The following IP6K2 variants were observed in gnomAD, a reference collection of about 807,000 sequenced individuals.
IP6K2 encodes the protein ATP:1D-myo-inositol-hexakisphosphate phosphotransferase.
IP6K2 carries 9 observed loss-of-function variants against 43.3 expected under a neutral mutation model. The observed-to-expected ratio is 0.21, with a 90% CI of 0.13 to 0.36. The LOEUF is 0.36. Ranked by LOEUF, IP6K2 falls within the 10% of genes least tolerant of loss-of-function variation. The probability of loss-of-function intolerance (pLI) is 1.00; values close to 1 mark genes in which losing one functional copy is unlikely to be tolerated. For missense variants in IP6K2, 332 were observed against 538.4 expected, an observed-to-expected ratio of 0.62 and a Z score of 3.79; for synonymous variants, 209 against 202.4, an observed-to-expected ratio of 1.03 and a Z score of -0.28.
intron 1 of IP6K2, among the ~76,000 whole-genome samples, chr3:48,697,008 A>G (rs1409043843): frequency 6.6e-6 from 1 of 151,176 alleles, no homozygotes; most frequent in Non-Finnish European, 1.5e-5. Flanking sequence ...GGCACTGCCC[A>G]GCTGAATTTT....
chr3:48,693,873 G>C (rs1011599020), intron 2 of IP6K2: 5 of 1,195,884 alleles, frequency 4.2e-6, no homozygotes, highest in Non-Finnish European at 5.2e-6. Flanking sequence ...ACATGTGGTG[G>C]CCTTGAAAGC....
intron 3 of IP6K2, 100 bp from the exon 4 acceptor site, chr3:48,691,582 G>A (rs915030890): frequency 3.8e-5 from 29 of 768,676 alleles, no homozygotes; most frequent in African/African-American, 3.0e-4. Context: ...TTGGGAGGCC[G>A]AGATGGGCAG....
intron 1 of IP6K2, among the ~76,000 whole-genome samples, chr3:48,706,397 C>T (rs947337270): frequency 6.6e-6 from 1 of 152,148 alleles, no homozygotes; most frequent in African/African-American, 2.4e-5. Flanking sequence ...CTGCAGTGAT[C>T]TCTAATCATA....
chr3:48,700,819 G>T (rs1319892707), intron 1 of IP6K2, among the ~76,000 whole-genome samples: 1 of 152,096 alleles, frequency 6.6e-6, no homozygotes, highest in Non-Finnish European at 1.5e-5. Flanking sequence ...CAGTCACAGA[G>T]GGGTGGCATA....
intron 2 of IP6K2, chr3:48,693,446 C>T: frequency 7.2e-6 from 10 of 1,387,850 alleles, no homozygotes; most frequent in Non-Finnish European, 7.6e-6. Flanking sequence ...TTACAAGACA[C>T]ATTTTTCCAT....
chr3:48,688,269 A>AAGCTCACT lies in IP6K2; in HGVS notation c.1277_*3dup. 1.9e-6 allele frequency: 3 copies of AAGCTCACT among 1,611,670 alleles called. No individual in the cohort carries two copies. The highest frequency in any genetic ancestry group is 2.5e-6 in the Non-Finnish European group (3 of 1,177,902). On this transcript the variant is annotated 3_prime_UTR_variant, in exon 6 of 6. Transcript: ENST00000328631. The surrounding 1 kb of genome is among the most constrained non-coding windows in gnomAD (Gnocchi z 5.1). ...GCTCTCAAGTACTGGAGCAGCTAGC[A>AAGCTCACT]AGCTCACTCCCCACTCTCCTCACTT... is the stretch of plus-strand genomic sequence containing the variant.
Position 48,689,622 on chromosome 3 carries a change from A to G in IP6K2, c.696T>C (p.Ala232=). The G allele has an allele frequency of 6.2e-7, 1 of 1,614,212 alleles. No individual in the cohort carries two copies. Among genetic ancestry groups the G allele is most frequent in the Non-Finnish European group, 8.5e-7 (1 of 1,180,030 alleles). ...TCTGGTTGGCTGCCTTCTCCTCTGA[A>G]GCATCATCACCATGTTGTCGTGTGC... The part of the protein sequence containing the change: ...KMGTRQHGDD[A]SEEKAANQIR... The change falls in exon 5 of 6, where the codon GCT becomes GCC. Residue 232 remains alanine (A), a synonymous_variant. Transcript: ENST00000328631.
intron 2 of IP6K2, chr3:48,693,384 A>G (rs1023747011): frequency 8.4e-7 from 1 of 1,183,860 alleles, no homozygotes; most frequent in Admixed American, 1.8e-5. Context: ...GGGAGCAAAC[A>G]TGGCTGAGAG....
chr3:48,694,040 A>G lies in IP6K2; in HGVS notation c.203-861T>C, dbSNP rs150408611. 6.5e-4 allele frequency: 932 copies of G among 1,429,274 alleles called. 5 individuals are homozygous for G. Among genetic ancestry groups the G allele is most frequent in the South Asian group, 4.8e-3 (314 of 65,016 alleles). The allele number at this position is 1,429,274 out of a possible 1,614,324, so 88.5% of individuals were successfully genotyped here. On this transcript the variant is annotated intron_variant, in intron 2 of 5. Coordinates refer to ENST00000328631, the MANE Select transcript of IP6K2 (RefSeq NM_016291.4). ...TCCCAGGCCTCTCTGCCCCAGCATC[A>G]CTCAATCTGCTCAGTCCTCGACTGC...
intron 1 of IP6K2, among the ~76,000 whole-genome samples, chr3:48,703,595 T>C (rs571062584): frequency 4.1e-4 from 61 of 149,504 alleles, no homozygotes; most frequent in African/African-American, 1.4e-3. Flanking sequence ...CAGGGGCCTA[T>C]AGTCCCAGCA....
intron 1 of IP6K2, among the ~76,000 whole-genome samples, chr3:48,710,768 C>A (rs2080403468): frequency 6.6e-6 from 1 of 152,244 alleles, no homozygotes; most frequent in South Asian, 2.1e-4. Flanking sequence ...CACCACCACG[C>A]CCGGCTAATT....
In IP6K2 at chr3:48,695,259, C is replaced by T; in HGVS notation, c.33G>A (p.Glu11=). 1.3e-6 allele frequency: 2 copies of T among 1,588,796 alleles called. No individual in the cohort carries two copies. The highest frequency in any genetic ancestry group is 1.7e-5 in the Admixed American group (1 of 57,690). MSPAFRAMDV[E]PRAKGVLLEP... ...CCAGAAGGACGCCTTTGGCGCGGGG[C>T]TCCACATCCATGGCCCTGAAGGCTG... Residue 11 remains glutamate (E), a synonymous_variant, in exon 2 of 6, where the codon GAG becomes GAA. Transcript: ENST00000328631. The surrounding 1 kb of genome is among the most constrained non-coding windows in gnomAD (Gnocchi z 4.6).
chr3:48,695,326 C>A lies in IP6K2; in HGVS notation c.-35G>T. ...GCAGATGGCGGGGAGATGGGGGAGG[C>A]AGCGGAGTCCAGCGGCCAGTACGTC... On this transcript the variant is annotated 5_prime_UTR_variant, in exon 2 of 6. Transcript: ENST00000328631. The surrounding 1 kb of genome is among the most constrained non-coding windows in gnomAD (Gnocchi z 4.6). 1.9e-6 allele frequency: 3 copies of A among 1,584,746 alleles called. No individual in the cohort carries two copies. The highest frequency in any genetic ancestry group is 1.7e-4 in the Middle Eastern group (1 of 5,956).
Position 48,695,029 on chromosome 3 carries a change from T to G in IP6K2, c.202+61A>C. 6.2e-7 allele frequency: 1 copy of G among 1,614,028 alleles called. No individual in the cohort carries two copies. The highest frequency in any genetic ancestry group is 1.1e-5 in the South Asian group (1 of 91,078). ...CAGGGATGGCTGCCAGGGCCTTCCA[T>G]GGCCACGATCTCTCACATCTCCTCG... is the stretch of plus-strand genomic sequence containing the variant. On this transcript the variant is annotated intron_variant, in intron 2 of 5. Coordinates refer to ENST00000328631, the MANE Select transcript of IP6K2 (RefSeq NM_016291.4). This position sits in a 1 kb window ranked among gnomAD's most constrained non-coding sequence, Gnocchi z 4.6.
intron 4 of IP6K2, among the ~76,000 whole-genome samples, chr3:48,690,201 C>T (rs937938472): frequency 6.6e-6 from 1 of 152,198 alleles, no homozygotes; most frequent in African/African-American, 2.4e-5. Context: ...ATGAGTGTCT[C>T]TGGTGCACAG....
At chr3:48,694,090 G>A in intron 2 of IP6K2, 15 of 1,477,176 alleles carry the variant, frequency 1.0e-5, no homozygotes, top group Non-Finnish European at 1.3e-5. Flanking sequence ...TGCTCAGAGA[G>A]AGATGACACT....
At chr3:48,693,989 AC>A in intron 2 of IP6K2, 29 of 1,377,474 alleles carry the variant, frequency 2.1e-5, no homozygotes, top group Admixed American at 1.4e-4. Context: ...CGAGCGCCTT[AC>A]AAACGACTGG....
chr3:48,694,889 T>C, intron 2 of IP6K2: 6 of 1,539,864 alleles, frequency 3.9e-6, no homozygotes, highest in Non-Finnish European at 5.2e-6. Flanking sequence ...CAAAACAGAA[T>C]TGAGCAATCT....
At chr3:48,715,159 A>G (rs1268321900) in intron 1 of IP6K2, among the ~76,000 whole-genome samples, 1 of 152,260 alleles carries the variant, frequency 6.6e-6, no homozygotes, top group Non-Finnish European at 1.5e-5. Context: ...TTAAAATGTA[A>G]TAACATGAGA....
Sources: allele counts gnomAD v4.1 joint callset (sites outside exome capture counted in the v4.1 genomes callset), GRCh38; gene constraint gnomAD v4.1.1; non-coding constraint Gnocchi (gnomAD v3.1); transcripts MANE v1.5; gene names NCBI Gene and HGNC (gene_info 2026-07-23, HGNC 2026-07-21).